RXRG: variants seen among roughly 807,000 people sequenced by gnomAD.
RXRG encodes the protein retinoid X receptor gamma.
A neutral mutation model predicts 49.2 loss-of-function variants in RXRG; 19 were observed. The ratio of observed to expected loss-of-function variants is 0.39; its 90% CI spans 0.27 to 0.57. RXRG has a LOEUF of 0.57. RXRG is among the 20% of genes least tolerant of loss of function. RXRG has a pLI of 0.64. For missense variants in RXRG, 452 were observed against 592.5 expected, an observed-to-expected ratio of 0.76 and a Z score of 2.46; for synonymous variants, 224 against 216.6, an observed-to-expected ratio of 1.03 and a Z score of -0.30.
intron 9 of RXRG, 144 bp downstream of exon 9, chr1:165,406,668 A>G: frequency 1.5e-6 from 1 of 652,218 alleles, no homozygotes; most frequent in Non-Finnish European, 2.7e-6. Context: ...AATGGAATTA[A>G]CATTTTTGTG....
chr1:165,405,780 C>T (rs971817945), intron 9 of RXRG, among the ~76,000 whole-genome samples: 2 of 152,216 alleles, frequency 1.3e-5, no homozygotes, highest in Non-Finnish European at 2.9e-5. Context: ...CTTAATCTCA[C>T]TAATATACTA....
intron 7 of RXRG, among the ~76,000 whole-genome samples, chr1:165,408,670 A>G (rs1183385886): frequency 6.6e-6 from 1 of 152,166 alleles, no homozygotes; most frequent in Non-Finnish European, 1.5e-5. Flanking sequence ...AGGTAAGGGG[A>G]TTGCATGTCT....
rs1257993884 is a variant in RXRG at position 165,406,822 on chromosome 1, G to A, written c.1234C>T (p.Gln412Ter). The change falls in exon 9 of 10, where the codon CAG becomes TAG. Residue 412 changes from glutamine (Q) to a stop codon, truncating the protein, a stop_gained. Coordinates refer to ENST00000359842, the MANE Select transcript of RXRG (RefSeq NM_006917.5). LOFTEE classifies it high-confidence loss of function. ...CCAGCACTGTCTCACCTGCCTGGCTGTTCCGGATACTTCTGCTTGGTGTAG... is the reference window on the plus strand; with the variant it reads ...CCAGCACTGTCTCACCTGCCTGGCTATTCCGGATACTTCTGCTTGGTGTAG... ...EAYTKQKYPE[Q>*]PGRFAKLLLR... 1 of 1,613,214 alleles carries A rather than the reference G, an allele frequency of 6.2e-7. No homozygotes were observed. The highest frequency in any genetic ancestry group is 8.5e-7 in the Non-Finnish European group (1 of 1,179,420).
At chr1:165,444,762 A>C in intron 1 of RXRG, 83 bp downstream of exon 1, 10 of 1,197,284 alleles carry the variant, frequency 8.4e-6, no homozygotes, top group Non-Finnish European at 1.2e-5. Flanking sequence ...TTAATTCAAT[A>C]CTAATCCAGT....
At chr1:165,430,158 G>A (rs1421700363) in intron 1 of RXRG, among the ~76,000 whole-genome samples, 2 of 152,298 alleles carry the variant, frequency 1.3e-5, no homozygotes, top group African/African-American at 4.8e-5. Flanking sequence ...AGCACAGTCT[G>A]CTGGAGAAGC....
chr1:165,428,766 G>T lies in RXRG; in HGVS notation c.250C>A (p.Leu84Ile), dbSNP rs776054493. The stretch of plus-strand genomic sequence containing the variant: ...AAGTTGATTCCTGGAGGCGCTGCAA[G>T]TGCTCCTGAGGGTGGGCCCATGGCA... ...TSAMGPPSGA[L>I]AAPPGINLVA... Residue 84 changes from leucine to isoleucine, a missense_variant, in exon 2 of 10, where the codon CTT (leucine) becomes ATT (isoleucine). This residue lies in a region of RXRG where 166 missense variants were observed against 151.7 expected (regional missense o/e 1.09). Transcript: ENST00000359842. The T allele has an allele frequency of 3.7e-6, 6 of 1,607,222 alleles. No homozygotes were observed. Among genetic ancestry groups the T allele is most frequent in the East Asian group, 2.2e-5 (1 of 44,634 alleles).
At chr1:165,403,782 C>T (rs1163326407) in intron 9 of RXRG, among the ~76,000 whole-genome samples, 2 of 152,198 alleles carry the variant, frequency 1.3e-5, no homozygotes, top group African/African-American at 2.4e-5. Flanking sequence ...AAAAAGGCCA[C>T]GATTTTACAA....
chr1:165,436,517 G>C (rs1200156611), intron 1 of RXRG, among the ~76,000 whole-genome samples: 1 of 152,180 alleles, frequency 6.6e-6, no homozygotes, highest in Non-Finnish European at 1.5e-5. Context: ...CTTTTTCTTA[G>C]AGGAGATTCG....
intron 1 of RXRG, among the ~76,000 whole-genome samples, chr1:165,434,900 A>G (rs967666635): frequency 6.6e-6 from 1 of 152,248 alleles, no homozygotes; most frequent in African/African-American, 2.4e-5. Context: ...GGAGATTGCC[A>G]GGTACAGGCA....
chr1:165,422,356 C>G (rs1005883028), intron 2 of RXRG, among the ~76,000 whole-genome samples: 1 of 152,152 alleles, frequency 6.6e-6, no homozygotes, highest in Non-Finnish European at 1.5e-5. Context: ...AGATCCAAAA[C>G]GGAAGGAGAT....
At chr1:165,434,777 A>G (rs1245564218) in intron 1 of RXRG, among the ~76,000 whole-genome samples, 1 of 152,206 alleles carries the variant, frequency 6.6e-6, no homozygotes, top group Non-Finnish European at 1.5e-5. Context: ...AGGCCCAACA[A>G]TGATAGGATT....
chr1:165,423,852 G>A (rs1016019804), intron 2 of RXRG, among the ~76,000 whole-genome samples: 3 of 152,072 alleles, frequency 2.0e-5, no homozygotes, highest in Non-Finnish European at 4.4e-5. Context: ...ATCATCAGAC[G>A]AGATGAACTT....
chr1:165,424,817 G>A, intron 2 of RXRG: 1 of 985,492 alleles, frequency 1.0e-6, no homozygotes, highest in Non-Finnish European at 1.2e-6. Flanking sequence ...TCCTGGGTGA[G>A]GAAGGCAGGA....
chr1:165,432,158 G>A lies in RXRG; in HGVS notation c.50-3192C>T, dbSNP rs543046318. ...GATTTGAAAATTAAAGTACATTTTT[G>A]TTGTTGTTATCATTATTAATAAGAA... On this transcript the variant is annotated intron_variant, in intron 1 of 9. Transcript: ENST00000359842. Among the ~76,000 whole-genome samples the A allele has an allele frequency of 2.1e-4, 32 of 152,288 alleles. 1 individual carries two copies. The South Asian group carries it at 6.4e-3, about 31-fold the overall frequency.
chr1:165,418,428 T>C (rs3767342), intron 3 of RXRG, among the ~76,000 whole-genome samples: 21,378 of 152,208 alleles, frequency 0.14, 1,570 homozygotes, highest in East Asian at 0.21. Flanking sequence ...GAATGTAATA[T>C]GTGATGTCAT....
chr1:165,402,480 T>C (rs1657610925), intron 9 of RXRG, among the ~76,000 whole-genome samples: 1 of 152,212 alleles, frequency 6.6e-6, no homozygotes, highest in South Asian at 2.1e-4. Flanking sequence ...GAGGAGTCTA[T>C]GGTCTGTTTG....
intron 2 of RXRG, among the ~76,000 whole-genome samples, chr1:165,424,152 A>G (rs157875): frequency 0.21 from 32,355 of 152,168 alleles, 4,135 homozygotes; most frequent in African/African-American, 0.36. Context: ...ATATCACATT[A>G]TCTACAAAGT....
chr1:165,435,028 T>C (rs1036534741), intron 1 of RXRG, among the ~76,000 whole-genome samples: 1 of 152,178 alleles, frequency 6.6e-6, no homozygotes, highest in Non-Finnish European at 1.5e-5. Context: ...ATGTTGAGCA[T>C]CTCTAATCTA....
intron 2 of RXRG, among the ~76,000 whole-genome samples, chr1:165,425,995 G>A (rs1385372663): frequency 6.6e-6 from 1 of 152,240 alleles, no homozygotes; most frequent in African/African-American, 2.4e-5. Context: ...TGCAAGCCAG[G>A]GGACAGGATT....
Sources: allele counts gnomAD v4.1 joint callset (sites outside exome capture counted in the v4.1 genomes callset), GRCh38; gene constraint gnomAD v4.1.1; regional missense constraint gnomAD v4.1.1; transcripts MANE v1.5; gene names NCBI Gene and HGNC (gene_info 2026-07-23, HGNC 2026-07-21).